UBAC2: variants seen among roughly 807,000 people sequenced by gnomAD.
UBAC2 encodes UBA domain containing 2, also known as ubiquitin-associated domain-containing protein 2.
A neutral mutation model predicts 44.0 loss-of-function variants in UBAC2; 26 were observed. That is an observed-to-expected ratio of 0.59 (90% CI 0.43 to 0.82). The LOEUF (loss-of-function observed/expected upper bound fraction) is 0.82, where lower values mean the gene tolerates loss of function less well. Ranked by LOEUF, UBAC2 falls within the 40% of genes least tolerant of loss-of-function variation. The probability of loss-of-function intolerance (pLI) is 0.00; values close to 1 mark genes in which losing one functional copy is unlikely to be tolerated. For missense variants in UBAC2, 329 were observed against 419.4 expected, an observed-to-expected ratio of 0.78 and a Z score of 1.88; for synonymous variants, 155 against 154.3, an observed-to-expected ratio of 1.00 and a Z score of -0.04.
At chr13:99,301,250 C>T (rs1454200863) in intron 4 of UBAC2, among the ~76,000 whole-genome samples, 1 of 152,222 alleles carries the variant, frequency 6.6e-6, no homozygotes, top group Non-Finnish European at 1.5e-5. Context: ...AAGCCTGGAT[C>T]CTTATTCAGG....
At chr13:99,352,766 C>A (rs974851588) in intron 7 of UBAC2, among the ~76,000 whole-genome samples, 1 of 151,968 alleles carries the variant, frequency 6.6e-6, no homozygotes, top group Non-Finnish European at 1.5e-5. Flanking sequence ...GAGTAGAAAG[C>A]GTCAGTTACA....
chr13:99,374,187 A>T (rs182058667), intron 8 of UBAC2, among the ~76,000 whole-genome samples: 38 of 152,310 alleles, frequency 2.5e-4, no homozygotes, highest in African/African-American at 8.7e-4. Context: ...TAGAAAAATA[A>T]CTGATAGGTT....
intron 7 of UBAC2, among the ~76,000 whole-genome samples, chr13:99,344,490 G>C (rs1297469015): frequency 1.3e-5 from 2 of 152,122 alleles, no homozygotes; most frequent in East Asian, 3.8e-4. Context: ...GCAATCTCAT[G>C]CTGTGTATTT....
chr13:99,221,252 TG>T (rs1566453163), intron 1 of UBAC2, among the ~76,000 whole-genome samples: 1 of 152,254 alleles, frequency 6.6e-6, no homozygotes, highest in East Asian at 1.9e-4. Flanking sequence ...ATGGATTTCT[TG>T]GATCTGTGTT....
In UBAC2 at chr13:99,340,508, G is replaced by A. The variant is rs554493779; in HGVS notation, c.750G>A (p.Leu250=). 1 of 1,614,166 alleles carries A rather than the reference G, an allele frequency of 6.2e-7. No homozygotes were observed. The highest frequency in any genetic ancestry group is 2.2e-5 in the East Asian group (1 of 44,890). ...AGAGACAGCAGAGAATGGAGCTGCT[G>A]GACCGGCAGCTGATGTTCTCTCAGT... is the stretch of plus-strand genomic sequence containing the variant. ...DIQRQQRMEL[L]DRQLMFSQFA... The change falls in exon 7 of 9, where the codon CTG becomes CTA. Residue 250 remains leucine (L), a synonymous_variant. Transcript: ENST00000403766.
chr13:99,326,963 T>C (rs1471162210), intron 6 of UBAC2, among the ~76,000 whole-genome samples: 2 of 152,206 alleles, frequency 1.3e-5, no homozygotes, highest in Admixed American at 1.3e-4. Flanking sequence ...TCGACAACTT[T>C]TTGCAGCCTT....
intron 7 of UBAC2, among the ~76,000 whole-genome samples, chr13:99,351,207 C>T (rs996597781): frequency 1.3e-5 from 2 of 152,120 alleles, no homozygotes; most frequent in African/African-American, 4.8e-5. Flanking sequence ...TAGTTATTAT[C>T]ATAGTATTGG....
intron 1 of UBAC2, among the ~76,000 whole-genome samples, chr13:99,227,679 G>T (rs1197466224): frequency 6.6e-6 from 1 of 152,122 alleles, no homozygotes; most frequent in East Asian, 1.9e-4. Context: ...GTTTGTTGTT[G>T]TTTTTCTGTC....
intron 4 of UBAC2, among the ~76,000 whole-genome samples, chr13:99,263,313 G>C (rs965114705): frequency 3.3e-5 from 5 of 152,174 alleles, no homozygotes; most frequent in African/African-American, 1.2e-4. Context: ...ATGTAATTGT[G>C]GTGTCTGGGA....
chr13:99,245,760 G>A (rs201594389), intron 4 of UBAC2, among the ~76,000 whole-genome samples: 6 of 152,290 alleles, frequency 3.9e-5, no homozygotes, highest in African/African-American at 9.6e-5. Context: ...ACTTGAACCC[G>A]GGAGGCAGAG....
intron 8 of UBAC2, among the ~76,000 whole-genome samples, chr13:99,371,529 T>C (rs2045406859): frequency 2.0e-5 from 3 of 152,226 alleles, no homozygotes; most frequent in Admixed American, 6.5e-5. Flanking sequence ...CAAAAAAGTT[T>C]ATAAATTTAT....
intron 7 of UBAC2, among the ~76,000 whole-genome samples, chr13:99,342,966 C>A (rs1159479429): frequency 6.6e-6 from 1 of 152,234 alleles, no homozygotes; most frequent in African/African-American, 2.4e-5. Flanking sequence ...GCCAGCCTGT[C>A]CATTTGGCTG....
intron 1 of UBAC2, among the ~76,000 whole-genome samples, chr13:99,206,362 G>A (rs2042871958): frequency 6.6e-6 from 1 of 152,234 alleles, no homozygotes; most frequent in Non-Finnish European, 1.5e-5. Flanking sequence ...GAGGCAGAAA[G>A]TAGGCAGAGC....
chr13:99,227,976 G>A (rs764667251), intron 1 of UBAC2, among the ~76,000 whole-genome samples: 2 of 152,234 alleles, frequency 1.3e-5, no homozygotes, highest in Non-Finnish European at 2.9e-5. Context: ...ATGCTGGTCA[G>A]TGGAGAGTGT....
In UBAC2 at chr13:99,259,968, C is replaced by T. The variant is rs188593562; in HGVS notation, c.389+15344C>T. 6.6e-5 allele frequency among the ~76,000 whole-genome samples: 10 copies of T among 152,320 alleles called. No individual in the cohort carries two copies. The East Asian group carries it at 1.7e-3, about 26-fold the overall frequency. Reference sequence around the variant, plus strand: ...TGAGGGCTCTCCATAGGCCTGGCTTCAGGTTGGGGTGAGCTCTCACTTTTT... The same window carrying T: ...TGAGGGCTCTCCATAGGCCTGGCTTTAGGTTGGGGTGAGCTCTCACTTTTT... On this transcript the variant is annotated intron_variant, in intron 4 of 8. Transcript: ENST00000403766.
intron 4 of UBAC2, among the ~76,000 whole-genome samples, chr13:99,270,098 A>G (rs1278584974): frequency 3.3e-5 from 5 of 152,212 alleles, no homozygotes; most frequent in Admixed American, 6.5e-5. Context: ...TGAAACTCCT[A>G]TGATGTAAAC....
At chr13:99,355,382 T>TGGCCCTTACCGTCACCAGCGTTCA (rs2045162758) in intron 7 of UBAC2, among the ~76,000 whole-genome samples, 3 of 152,204 alleles carry the variant, frequency 2.0e-5, no homozygotes, top group Non-Finnish European at 4.4e-5. Context: ...GTCCTCGCTG[T>TGGCCCTTACCGTCACCAGCGTTCA]GTGGCCCTTA....
At chr13:99,247,047 G>A (rs2043392300) in intron 4 of UBAC2, among the ~76,000 whole-genome samples, 1 of 151,998 alleles carries the variant, frequency 6.6e-6, no homozygotes, top group Admixed American at 6.6e-5. Context: ...TGTTGTCTAG[G>A]CTGGTCTTGA....
chr13:99,307,471 T>C (rs904397063), intron 4 of UBAC2: 2 of 152,058 alleles, frequency 1.3e-5, no homozygotes, highest in African/African-American at 4.8e-5. Context: ...ACTTTTTTTT[T>C]CTCTGTCACC....
Sources: gnomAD v4.1 joint callset for allele counts (sites outside exome capture counted in the v4.1 genomes callset) on GRCh38, gnomAD v4.1.1 for gene constraint, MANE v1.5 for transcripts, NCBI Gene and HGNC (gene_info 2026-07-23, HGNC 2026-07-21) for gene names.